Variants in KIF26B observed in about 807,000 individuals in gnomAD.
KIF26B encodes the protein kinesin-like protein KIF26B.
A neutral mutation model predicts 151.2 loss-of-function variants in KIF26B; 63 were observed. The observed-to-expected ratio is 0.42, with a 90% CI of 0.34 to 0.51. The LOEUF is 0.51. Ranked by LOEUF, KIF26B falls within the 20% of genes least tolerant of loss-of-function variation. The pLI is 0.07. For synonymous variants in KIF26B, 1,357 were observed against 1,262.1 expected (o/e 1.08, Z -1.59); for missense variants, 2,813 against 2,913.6 (o/e 0.97, Z 0.79).
Position 245,688,025 on chromosome 1 carries a change from C to T in KIF26B, c.5042C>T (p.Ser1681Phe), listed in dbSNP as rs541697704. 1 of 1,560,070 alleles carries T rather than the reference C, an allele frequency of 6.4e-7. No individual in the cohort carries two copies. Among genetic ancestry groups the T allele is most frequent in the East Asian group, 2.4e-5 (1 of 41,516 alleles). ...ACAGTCAGCCACTACGAATGCCTCT[C>T]CCTGGAGCGGGCCGAGAGCCTGTCC... is the stretch of plus-strand genomic sequence containing the variant. ...RATVSHYECL[S>F]LERAESLSSV... The change falls in exon 12 of 15, where the codon TCC becomes TTC. Residue 1681 changes from serine to phenylalanine, a missense_variant. By Grantham distance (155) the Ser-to-Phe change is radical. Coordinates refer to ENST00000407071, the MANE Select transcript of KIF26B (RefSeq NM_018012.4).
chr1:245,493,378 C>T (rs1660448125), intron 4 of KIF26B, among the ~76,000 whole-genome samples: 1 of 152,214 alleles, frequency 6.6e-6, no homozygotes, highest in Non-Finnish European at 1.5e-5. Flanking sequence ...GGATTTTATA[C>T]AAGCAAGAAT....
chr1:245,224,326 TC>T (rs1669834402), intron 2 of KIF26B, among the ~76,000 whole-genome samples: 2 of 151,344 alleles, frequency 1.3e-5, no homozygotes, highest in South Asian at 4.2e-4. Context: ...TAATGGAAGG[TC>T]CTCATAAAGC....
chr1:245,383,563 G>T (rs185837034), intron 3 of KIF26B, among the ~76,000 whole-genome samples: 1 of 152,268 alleles, frequency 6.6e-6, no homozygotes, highest in East Asian at 1.9e-4. Context: ...GGTGCTTCCA[G>T]GGATTAACTG....
At position 245,382,671 on chromosome 1, in the gene KIF26B, C is replaced by T. The variant is rs1469758160; in HGVS notation, c.999+15304C>T. Reference sequence around the variant, plus strand: ...ACAATCTCCGCCTCCTGGGTTCAAGCGATTCTCCTGCCTCAGCCTCCCGAG... The same window carrying T: ...ACAATCTCCGCCTCCTGGGTTCAAGTGATTCTCCTGCCTCAGCCTCCCGAG... On this transcript the variant is annotated intron_variant, in intron 3 of 14. Transcript: ENST00000407071. Among the ~76,000 whole-genome samples, 9 of 152,014 alleles carry T rather than the reference C, an allele frequency of 5.9e-5. No individual in the cohort carries two copies. The East Asian group carries it at 1.4e-3, about 23-fold the overall frequency.
intron 4 of KIF26B, among the ~76,000 whole-genome samples, chr1:245,474,972 T>C (rs1427091934): frequency 6.6e-6 from 1 of 151,864 alleles, no homozygotes; most frequent in East Asian, 1.9e-4. Context: ...CATTGGAATA[T>C]ATTTTGTAAA....
intron 5 of KIF26B, among the ~76,000 whole-genome samples, chr1:245,594,599 C>T (rs1354907463): frequency 2.0e-5 from 3 of 152,074 alleles, no homozygotes; most frequent in Admixed American, 6.6e-5. Flanking sequence ...GGTCAGGTAG[C>T]GTGATGCCTC....
At chr1:245,268,903 G>A (rs114480445) in intron 2 of KIF26B, among the ~76,000 whole-genome samples, 9 of 152,188 alleles carry the variant, frequency 5.9e-5, no homozygotes, top group African/African-American at 1.7e-4. Flanking sequence ...TGGTCCTAGC[G>A]GACAACTGCT....
At position 245,687,231 on chromosome 1, in the gene KIF26B, A is replaced by T; in HGVS notation, c.4248A>T (p.Ala1416=). The change falls in exon 12 of 15, where the codon GCA becomes GCT. Residue 1416 remains alanine (A), a synonymous_variant. Coordinates refer to ENST00000407071, the MANE Select transcript of KIF26B (RefSeq NM_018012.4). This position sits in a 1 kb window ranked among gnomAD's most constrained non-coding sequence, Gnocchi z 4.9. ...AGGCCCCCACCGCCACCCCCAAAGC[A>T]GGCCCCACATTAGCCCAGTCCCGGG... is the stretch of plus-strand genomic sequence containing the variant. The part of the protein sequence containing the change: ...EPEAPTATPK[A]GPTLAQSRES... 6.2e-7 allele frequency: 1 copy of T among 1,612,790 alleles called. No individual in the cohort carries two copies. The highest frequency in any genetic ancestry group is 8.5e-7 in the Non-Finnish European group (1 of 1,179,646).
At chr1:245,356,842 G>A (rs1412472647) in intron 2 of KIF26B, among the ~76,000 whole-genome samples, 3 of 152,242 alleles carry the variant, frequency 2.0e-5, no homozygotes, top group African/African-American at 7.2e-5. Context: ...GCAGAGAAAG[G>A]TGGTTAGGGA....
intron 4 of KIF26B, among the ~76,000 whole-genome samples, chr1:245,456,532 T>C (rs1034895048): frequency 6.6e-6 from 1 of 152,242 alleles, no homozygotes; most frequent in Non-Finnish European, 1.5e-5. Context: ...ACTTTAAAAG[T>C]TGTTTCCTTT....
At chr1:245,162,150 G>A (rs1483773066) in intron 2 of KIF26B, among the ~76,000 whole-genome samples, 2 of 152,170 alleles carry the variant, frequency 1.3e-5, no homozygotes, top group African/African-American at 2.4e-5. Flanking sequence ...GCTCTGTTTT[G>A]TCCTCAAAAA....
chr1:245,644,537 T>C (rs2043926237), intron 9 of KIF26B, among the ~76,000 whole-genome samples: 1 of 152,256 alleles, frequency 6.6e-6, no homozygotes, highest in African/African-American at 2.4e-5. Flanking sequence ...AGCTTTGTTT[T>C]AGAATGCAGT....
At chr1:245,263,868 G>A (rs910286008) in intron 2 of KIF26B, among the ~76,000 whole-genome samples, 4 of 152,212 alleles carry the variant, frequency 2.6e-5, no homozygotes, top group African/African-American at 4.8e-5. Flanking sequence ...GGAGTTAACC[G>A]GTTCTTTTGT....
chr1:245,277,350 C>G (rs1670958010), intron 2 of KIF26B, among the ~76,000 whole-genome samples: 1 of 152,208 alleles, frequency 6.6e-6, no homozygotes, highest in Non-Finnish European at 1.5e-5. Context: ...TGTCTTCACT[C>G]TCTGTGAGCC....
At chr1:245,205,172 C>T (rs751829696) in intron 2 of KIF26B, among the ~76,000 whole-genome samples, 6 of 152,158 alleles carry the variant, frequency 3.9e-5, no homozygotes, top group East Asian at 3.9e-4. Context: ...TAAATATGGC[C>T]GTAGAGTACA....
At chr1:245,369,647 T>A (rs1558139173) in intron 3 of KIF26B, among the ~76,000 whole-genome samples, 1 of 152,230 alleles carries the variant, frequency 6.6e-6, no homozygotes, top group South Asian at 2.1e-4. Context: ...GGACTGATTG[T>A]GGCCACACAG....
chr1:245,236,748 C>T (rs1301265969), intron 2 of KIF26B, among the ~76,000 whole-genome samples: 1 of 152,102 alleles, frequency 6.6e-6, no homozygotes, highest in African/African-American at 2.4e-5. Flanking sequence ...CTGAGAATGC[C>T]AATGCTAGGG....
intron 2 of KIF26B, among the ~76,000 whole-genome samples, chr1:245,186,640 A>G (rs780633532): frequency 6.6e-6 from 1 of 152,196 alleles, no homozygotes; most frequent in Non-Finnish European, 1.5e-5. Context: ...TTAGCCAGGC[A>G]GTAAGTTACG....
chr1:245,478,796 C>T (rs937894491), intron 4 of KIF26B, among the ~76,000 whole-genome samples: 1 of 151,660 alleles, frequency 6.6e-6, no homozygotes, highest in Admixed American at 6.6e-5. Context: ...GGAAGGAAAC[C>T]AGGCAGGATG....
Sources: allele counts gnomAD v4.1 joint callset (sites outside exome capture counted in the v4.1 genomes callset), GRCh38; gene constraint gnomAD v4.1.1; non-coding constraint Gnocchi (gnomAD v3.1); transcripts MANE v1.5; gene names NCBI Gene and HGNC (gene_info 2026-07-23, HGNC 2026-07-21).